ESR2: variants seen among roughly 807,000 people sequenced by gnomAD.
The protein encoded by ESR2 is estrogen receptor 2, also known as estrogen receptor beta.
Under a neutral mutation model 49.6 loss-of-function variants are expected in ESR2, and 36 were observed. The ratio of observed to expected loss-of-function variants is 0.73; its 90% CI spans 0.56 to 0.96. The LOEUF (loss-of-function observed/expected upper bound fraction) is 0.96. Among genes scored for constraint, ESR2 ranks in the 40% least tolerant of loss-of-function variants. The pLI is 0.00. For missense variants in ESR2, 714 were observed against 693.0 expected (o/e 1.03, Z -0.34); for synonymous variants, 320 against 266.1 (o/e 1.20, Z -1.97).
chr14:64,298,158 T>C (rs2140860355), upstream of ESR2, among the ~76,000 whole-genome samples: 1 of 152,344 alleles, frequency 6.6e-6, no homozygotes, highest in East Asian at 1.9e-4. Context: ...GGATCACATC[T>C]TTTGTAGAAA....
intron 7 of ESR2, among the ~76,000 whole-genome samples, chr14:64,241,783 G>T (rs935952426): frequency 6.6e-6 from 1 of 152,146 alleles, no homozygotes; most frequent in African/African-American, 2.4e-5. Flanking sequence ...TTACAAACTT[G>T]CTAAATTCAC....
At chr14:64,268,119 T>C (rs2076368079) in intron 4 of ESR2, among the ~76,000 whole-genome samples, 1 of 152,208 alleles carries the variant, frequency 6.6e-6, no homozygotes, top group African/African-American at 2.4e-5. Context: ...GTCAGTTATA[T>C]ACCAAAGTGC....
At chr14:64,303,206 G>A (rs1038655487) in intron 1 of ESR2, among the ~76,000 whole-genome samples, 5 of 152,168 alleles carry the variant, frequency 3.3e-5, no homozygotes, top group African/African-American at 9.7e-5. Context: ...ATTTCTCCTC[G>A]CCAGAAGGGA....
rs540985245 is a variant in ESR2 at position 64,228,692 on chromosome 14, G to A, written c.*4445C>T. Among the ~76,000 whole-genome samples, 4 of 152,250 alleles carry A rather than the reference G, an allele frequency of 2.6e-5. No homozygotes were observed. In the East Asian group the frequency reaches 5.8e-4, roughly 22 times the overall value. ...ATTGTACAGTTAACAGGAACTGTTC[G>A]CGGCTGGTATCACCACTCCTTATGT... On this transcript the variant is annotated 3_prime_UTR_variant, in exon 9 of 9. Coordinates refer to ENST00000341099, the MANE Select transcript of ESR2 (RefSeq NM_001437.3).
intron 1 of ESR2, among the ~76,000 whole-genome samples, chr14:64,286,021 T>C (rs1451376277): frequency 6.6e-6 from 1 of 152,112 alleles, no homozygotes; most frequent in Non-Finnish European, 1.5e-5. Flanking sequence ...GGTGCTGCAG[T>C]AGGCATGGTA....
chr14:64,265,280 G>A (rs987005267), intron 4 of ESR2, among the ~76,000 whole-genome samples: 1 of 152,180 alleles, frequency 6.6e-6, no homozygotes, highest in Non-Finnish European at 1.5e-5. Context: ...TGATCGTAGT[G>A]ATAAATGACA....
intron 1 of ESR2, among the ~76,000 whole-genome samples, chr14:64,320,063 T>G (rs1244096814): frequency 2.0e-5 from 3 of 151,930 alleles, no homozygotes; most frequent in Non-Finnish European, 4.4e-5. Flanking sequence ...AAAGCTAAAA[T>G]GTAGTAAGTC....
At chr14:64,249,458 G>A in intron 7 of ESR2, 88 bp downstream of exon 7, 1 of 1,412,196 alleles carries the variant, frequency 7.1e-7, no homozygotes, top group Non-Finnish European at 9.7e-7. Flanking sequence ...AAATAAAATA[G>A]AAGTTCAACA....
intron 1 of ESR2, chr14:64,336,857 G>A (rs2077537639): frequency 6.6e-6 from 1 of 151,902 alleles, no homozygotes; most frequent in Non-Finnish European, 1.5e-5. Flanking sequence ...TCAAACCCTT[G>A]CTTTCTTTCT....
chr14:64,304,829 T>A (rs553026044), intron 1 of ESR2, among the ~76,000 whole-genome samples: 212 of 152,058 alleles, frequency 1.4e-3, no homozygotes, highest in Middle Eastern at 6.8e-3. Context: ...TGAGCTGTGA[T>A]TGTTCCACTG....
Position 64,279,977 on chromosome 14 carries a change from G to A in ESR2, c.535+4C>T. 6.2e-7 allele frequency: 1 copy of A among 1,611,432 alleles called. No individual in the cohort carries two copies. The highest frequency in any genetic ancestry group is 8.5e-7 in the Non-Finnish European group (1 of 1,177,746). Reference sequence around the variant, plus strand: ...TAAAGAAGCAGTTAACAATTCTCTTGTACCTTGAATGCTTCTTTTAAAAAA... The same window carrying A: ...TAAAGAAGCAGTTAACAATTCTCTTATACCTTGAATGCTTCTTTTAAAAAA... On this transcript the variant is annotated splice_donor_region_variant and intron_variant, in intron 3 of 8. Transcript: ENST00000341099.
chr14:64,262,296 G>A (rs1347853203), intron 4 of ESR2, among the ~76,000 whole-genome samples: 1 of 151,660 alleles, frequency 6.6e-6, no homozygotes, highest in African/African-American at 2.4e-5. Flanking sequence ...TGTATTTTTT[G>A]TAAAGACAGG....
chr14:64,286,764 A>G (rs2076790798), intron 1 of ESR2, among the ~76,000 whole-genome samples: 1 of 151,928 alleles, frequency 6.6e-6, no homozygotes. Flanking sequence ...CCCAGGCTGG[A>G]GAGTGCAGTG....
At chr14:64,295,051 C>T (rs1050260744), upstream of ESR2, among the ~76,000 whole-genome samples, 2 of 152,236 alleles carry the variant, frequency 1.3e-5, no homozygotes, top group African/African-American at 4.8e-5. Context: ...GCCCCAGTTC[C>T]CCCAGCTTAA....
chr14:64,305,689 T>C (rs995604710), intron 1 of ESR2, among the ~76,000 whole-genome samples: 1 of 151,482 alleles, frequency 6.6e-6, no homozygotes, highest in Non-Finnish European at 1.5e-5. Context: ...AATAAATAAA[T>C]AAAATATATA....
chr14:64,308,693 T>A (rs544690040), intron 1 of ESR2, among the ~76,000 whole-genome samples: 44 of 152,312 alleles, frequency 2.9e-4, no homozygotes, highest in African/African-American at 9.4e-4. Context: ...CTGTTTTTTT[T>A]ATTAATTATT....
At chr14:64,238,840 C>G (rs1372649237) in intron 7 of ESR2, among the ~76,000 whole-genome samples, 1 of 152,082 alleles carries the variant, frequency 6.6e-6, no homozygotes, top group Non-Finnish European at 1.5e-5. Flanking sequence ...AGGACACAAT[C>G]TTCTCTCCCC....
At chr14:64,290,091 G>T (rs550851180) in intron 1 of ESR2, among the ~76,000 whole-genome samples, 1 of 152,188 alleles carries the variant, frequency 6.6e-6, no homozygotes, top group African/African-American at 2.4e-5. Context: ...GGGGGGTGGG[G>T]GTTATACTCT....
chr14:64,325,639 C>T (rs2140900373), intron 1 of ESR2, among the ~76,000 whole-genome samples: 1 of 152,102 alleles, frequency 6.6e-6, no homozygotes, highest in East Asian at 1.9e-4. Context: ...TGCATGGGTC[C>T]ACTGATAACG....
Sources: gnomAD v4.1 joint callset for allele counts (sites outside exome capture counted in the v4.1 genomes callset) on GRCh38, gnomAD v4.1.1 for gene constraint, MANE v1.5 for transcripts, NCBI Gene and HGNC (gene_info 2026-07-23, HGNC 2026-07-21) for gene names.